Variants in ESCO1 observed in about 807,000 individuals in gnomAD.
The protein encoded by ESCO1 is establishment of sister chromatid cohesion N-acetyltransferase 1, also known as N-acetyltransferase ESCO1.
In ESCO1, 33 loss-of-function variants were observed where a neutral mutation model predicts 83.5. That is an observed-to-expected ratio of 0.40 (90% CI 0.30 to 0.53). The LOEUF (loss-of-function observed/expected upper bound fraction) is 0.53, where lower values mean the gene tolerates loss of function less well. Ranked by LOEUF, ESCO1 falls within the 20% of genes least tolerant of loss-of-function variation. ESCO1 has a pLI of 0.63. For missense variants in ESCO1, 855 were observed against 968.0 expected, an observed-to-expected ratio of 0.88 and a Z score of 1.55; for synonymous variants, 332 against 324.3, an observed-to-expected ratio of 1.02 and a Z score of -0.25.
rs572229499 is a variant in ESCO1 at position 21,574,696 on chromosome 18, T to C, written c.148A>G (p.Lys50Glu). 2.6e-4 allele frequency: 417 copies of C among 1,613,500 alleles called. 2 individuals are homozygous for C. The South Asian group carries it at 4.4e-3, about 17-fold the overall frequency. The change falls in exon 4 of 12, where the codon AAA becomes GAA. Residue 50 changes from lysine (K) to glutamate (E), a missense_variant. Lys to Glu is a moderately conservative substitution (Grantham distance 56). Coordinates refer to ENST00000269214, the MANE Select transcript of ESCO1 (RefSeq NM_052911.3). ...TTTATTTTACTTTCACTGGAAGATT[T>C]AGCCTGTGATTTTATAGTCTCCTTT... ...GPKETIKSQA[K>E]SSSESKINQP... is the part of the protein sequence containing the mutation.
At chr18:21,541,149 T>G (rs2037900458) in intron 8 of ESCO1, among the ~76,000 whole-genome samples, 1 of 152,164 alleles carries the variant, frequency 6.6e-6, no homozygotes, top group African/African-American at 2.4e-5. Context: ...TTTGTTTACA[T>G]AATAGAGTAC....
At chr18:21,593,811 TAAAA>T (rs10719508) in intron 1 of ESCO1, among the ~76,000 whole-genome samples, 1 of 142,852 alleles carries the variant, frequency 7.0e-6, no homozygotes. Context: ...GCACCTCCTT[TAAAA>T]AAAAAAAAAA....
chr18:21,580,671 G>C (rs1482405723), intron 2 of ESCO1, among the ~76,000 whole-genome samples: 2 of 152,156 alleles, frequency 1.3e-5, no homozygotes, highest in Non-Finnish European at 2.9e-5. Flanking sequence ...GTATAAATAA[G>C]TTAGTTTAAA....
chr18:21,586,879 G>A (rs757371192), intron 1 of ESCO1, among the ~76,000 whole-genome samples: 11 of 152,096 alleles, frequency 7.2e-5, no homozygotes, highest in Admixed American at 6.6e-4. Context: ...ATACTGTTAG[G>A]TATGATGTTA....
intron 8 of ESCO1, among the ~76,000 whole-genome samples, chr18:21,546,802 C>A (rs553923535): frequency 1.3e-5 from 2 of 152,298 alleles, no homozygotes; most frequent in Admixed American, 1.3e-4. Context: ...CCGCCCTGGC[C>A]TCCCAAAGTG....
At chr18:21,564,824 C>T (rs189719002) in intron 6 of ESCO1, among the ~76,000 whole-genome samples, 65 of 152,120 alleles carry the variant, frequency 4.3e-4, no homozygotes, top group African/African-American at 1.5e-3. Context: ...CTTTGAGAGG[C>T]CAAGGCAGGC....
intron 8 of ESCO1, among the ~76,000 whole-genome samples, chr18:21,543,166 T>A (rs8083725): frequency 0.99 from 150,923 of 152,272 alleles, 74,809 homozygotes; most frequent in East Asian, 1. Context: ...TTATTTATTT[T>A]TTTTTTTGAG....
intron 1 of ESCO1, among the ~76,000 whole-genome samples, chr18:21,600,216 G>C (rs2038823442): frequency 6.6e-6 from 1 of 152,250 alleles, no homozygotes; most frequent in Non-Finnish European, 1.5e-5. Flanking sequence ...ACGGGGCCCG[G>C]AGCTACCTGC....
chr18:21,582,727 A>G (rs573580124), intron 2 of ESCO1, among the ~76,000 whole-genome samples: 1 of 152,390 alleles, frequency 6.6e-6, no homozygotes, highest in South Asian at 2.1e-4. Context: ...AATACAAATT[A>G]AAACCAACAC....
At chr18:21,579,841 CAG>C (rs2038476382) in intron 2 of ESCO1, among the ~76,000 whole-genome samples, 1 of 147,108 alleles carries the variant, frequency 6.8e-6, no homozygotes, top group African/African-American at 2.5e-5. Context: ...CACACACACA[CAG>C]CAGGGAGGGG....
chr18:21,577,076 C>A lies in ESCO1; in HGVS notation c.-693-1299G>T, dbSNP rs986742305. Among the ~76,000 whole-genome samples the A allele has an allele frequency of 2.5e-4, 38 of 151,518 alleles. 1 individual carries two copies. Among genetic ancestry groups the A allele is most frequent in the African/African-American group, 8.5e-4 (35 of 41,200 alleles). On this transcript the variant is annotated intron_variant, in intron 2 of 11. Transcript: ENST00000269214. ...TGGGACTCAAAAAAGCAGATAGGGC[C>A]GGGCACAATGGCTCAGGCCTGTAAT...
intron 8 of ESCO1, among the ~76,000 whole-genome samples, chr18:21,541,617 A>T (rs1246133700): frequency 6.6e-6 from 1 of 151,522 alleles, no homozygotes; most frequent in Non-Finnish European, 1.5e-5. Flanking sequence ...AAAAAGAAAG[A>T]AAGTAAATCT....
chr18:21,581,009 C>T (rs2038495134), intron 2 of ESCO1, among the ~76,000 whole-genome samples: 1 of 148,492 alleles, frequency 6.7e-6, no homozygotes, highest in Admixed American at 6.7e-5. Context: ...CTCATTCTGT[C>T]ACTTAAAAAA....
At chr18:21,554,797 T>C (rs2038091418) in intron 8 of ESCO1, among the ~76,000 whole-genome samples, 1 of 151,902 alleles carries the variant, frequency 6.6e-6, no homozygotes, top group Admixed American at 6.6e-5. Context: ...CAGTCACAGC[T>C]ACTTAGGAGG....
rs1320139017 is a variant in ESCO1, at chr18:21,600,664, T to A, written c.-866A>T. The A allele has an allele frequency of 2.0e-5, 3 of 152,224 alleles. No individual in the cohort carries two copies. Among genetic ancestry groups the A allele is most frequent in the Non-Finnish European group, 4.4e-5 (3 of 68,046 alleles). The allele number at this position is 152,224 out of a possible 1,614,324, so 9.4% of individuals were successfully genotyped here. A position where few individuals can be genotyped will look rare whatever the true frequency, so the allele number is the denominator to read the frequency against. On this transcript the variant is annotated 5_prime_UTR_variant, in exon 1 of 12. Transcript: ENST00000269214. ...GGAGGGTCAGACTAGCGCCAGCGGA[T>A]CGCCTCACATCCGGGTATCAGGAGA... is the stretch of plus-strand genomic sequence containing the variant.
In ESCO1 at chr18:21,574,187, T is replaced by A. The variant is rs369896025; in HGVS notation, c.657A>T (p.Gln219His). ...GACACTTTTCAGATCCTTGCGTGCA[T>A]TGAGAACTACAAGCACAAGCTGTCT... ...EHQTACACSS[Q>H]CTQGSEKCPQ... Residue 219 changes from glutamine to histidine, a missense_variant, in exon 4 of 12, where the codon CAA becomes CAT. Coordinates refer to ENST00000269214, the MANE Select transcript of ESCO1 (RefSeq NM_052911.3). 3 of 1,613,784 alleles carry A rather than the reference T, an allele frequency of 1.9e-6. No individual in the cohort carries two copies. In the African/African-American group the frequency reaches 4.0e-5, roughly 22 times the overall value.
chr18:21,537,501 C>T (rs946117007), intron 9 of ESCO1, among the ~76,000 whole-genome samples: 1 of 152,182 alleles, frequency 6.6e-6, no homozygotes, highest in Non-Finnish European at 1.5e-5. Context: ...CACCACTGCA[C>T]TCCAGCCTGG....
At chr18:21,540,593 AG>A in intron 8 of ESCO1, 1 of 1,327,900 alleles carries the variant, frequency 7.5e-7, no homozygotes, top group Non-Finnish European at 9.9e-7. Flanking sequence ...AGAATCTAAT[AG>A]GGAAGGAGAA....
chr18:21,549,744 A>T (rs1382377726), intron 8 of ESCO1, among the ~76,000 whole-genome samples: 1 of 152,044 alleles, frequency 6.6e-6, no homozygotes, highest in Non-Finnish European at 1.5e-5. Flanking sequence ...AGGCGGGTGG[A>T]TTACCTGAGG....
Sources: allele counts gnomAD v4.1 joint callset (sites outside exome capture counted in the v4.1 genomes callset), GRCh38; gene constraint gnomAD v4.1.1; transcripts MANE v1.5; gene names NCBI Gene and HGNC (gene_info 2026-07-23, HGNC 2026-07-21).